NCKAP1L: variants seen among roughly 807,000 people sequenced by gnomAD.
NCKAP1L encodes the protein NCK associated protein 1 like.
Under a neutral mutation model 139.2 loss-of-function variants are expected in NCKAP1L, and 53 were observed. The ratio of observed to expected loss-of-function variants is 0.38; its 90% confidence interval spans 0.31 to 0.48. The LOEUF (loss-of-function observed/expected upper bound fraction) is 0.48, where lower values mean the gene tolerates loss of function less well. Ranked by LOEUF, NCKAP1L falls within the 20% of genes least tolerant of loss-of-function variation. The pLI is 0.98. For missense variants in NCKAP1L, 1,151 were observed against 1,381.9 expected, an observed-to-expected ratio of 0.83 and a Z score of 2.65; for synonymous variants, 468 against 499.7, an observed-to-expected ratio of 0.94 and a Z score of 0.85.
chr12:54,521,225 A>G lies in NCKAP1L; in HGVS notation c.1865A>G (p.Asn622Ser). 6 of 1,613,950 alleles carry G rather than the reference A, an allele frequency of 3.7e-6. 1 individual carries two copies. Among genetic ancestry groups the G allele is most frequent in the Non-Finnish European group, 5.1e-6 (6 of 1,179,956 alleles). Residue 622 changes from asparagine (N) to serine (S), a missense_variant, in exon 18 of 31, where the codon AAC becomes AGC. Coordinates refer to ENST00000293373, the MANE Select transcript of NCKAP1L (RefSeq NM_005337.5). ...CVLEICAEQR[N>S]LSEQLLPKHC... ...CTGGAGATCTGTGCTGAGCAGCGAA[A>G]CCTGAGCGAGCAGGTAGACTCAGCC...
intron 27 of NCKAP1L, 66 bp from the exon 28 acceptor site, chr12:54,536,063 G>A: frequency 8.7e-7 from 1 of 1,149,918 alleles, no homozygotes; most frequent in Non-Finnish European, 1.3e-6. Context: ...TAGGACCCCT[G>A]TAACAGATAA....
At chr12:54,542,433 G>A in intron 30 of NCKAP1L, 142 bp from the exon 31 acceptor site, 1 of 664,036 alleles carries the variant, frequency 1.5e-6, no homozygotes, top group South Asian at 1.8e-5. Flanking sequence ...ACCAAGTGAG[G>A]GAAGAGGGGG....
At chr12:54,535,076 C>T (rs1957103824) in intron 26 of NCKAP1L, 28 bp from the exon 27 acceptor site, 2 of 1,595,092 alleles carry the variant, frequency 1.3e-6, no homozygotes, top group South Asian at 1.1e-5. Context: ...TGCGAATCCT[C>T]TCTAGAATGT....
intron 30 of NCKAP1L, among the ~76,000 whole-genome samples, chr12:54,540,565 T>C (rs184546943): frequency 6.6e-6 from 1 of 152,346 alleles, no homozygotes; most frequent in East Asian, 1.9e-4. Flanking sequence ...TAATAATCCT[T>C]ATGATAGAGT....
intron 30 of NCKAP1L, among the ~76,000 whole-genome samples, chr12:54,539,740 G>A (rs1012151345): frequency 6.6e-6 from 1 of 152,108 alleles, no homozygotes; most frequent in Non-Finnish European, 1.5e-5. Flanking sequence ...GTGTTCTGGG[G>A]CCCTCCTCTG....
In NCKAP1L at chr12:54,517,602, A is replaced by C; in HGVS notation, c.1165A>C (p.Asn389His). ...CACCTGGCTGGTTCGCCACACAGAG[A>C]ATGTCACCAAGACAAAGACACCTGA... ...EVTWLVRHTE[N>H]VTKTKTPEDY... Residue 389 changes from asparagine to histidine, a missense_variant, in exon 12 of 31, where the codon AAT becomes CAT. Transcript: ENST00000293373. The C allele has an allele frequency of 6.2e-6, 10 of 1,613,996 alleles. No individual in the cohort carries two copies. Among genetic ancestry groups the C allele is most frequent in the African/African-American group, 1.3e-5 (1 of 74,982 alleles).
chr12:54,505,354 C>T (rs565990204), intron 3 of NCKAP1L, among the ~76,000 whole-genome samples: 6 of 151,830 alleles, frequency 4.0e-5, no homozygotes, highest in Admixed American at 1.3e-4. Context: ...TTTTCCTACA[C>T]ATTTTAATAA....
chr12:54,532,395 A>C (rs1017530111), intron 26 of NCKAP1L, 145 bp downstream of exon 26: 3 of 500,582 alleles, frequency 6.0e-6, no homozygotes, highest in Non-Finnish European at 1.0e-5. Flanking sequence ...GGTCAGATGA[A>C]TATTCTTGGA....
chr12:54,543,775 C>G lies in NCKAP1L; in HGVS notation c.*1090C>G, dbSNP rs997727551. The G allele has an allele frequency of 6.6e-6, 1 of 152,218 alleles. No homozygotes were observed. The highest frequency in any genetic ancestry group is 2.4e-5 in the African/African-American group (1 of 41,454). The allele number at this position is 152,218 out of a possible 1,614,324, so 9.4% of individuals were successfully genotyped here. A position where few individuals can be genotyped will look rare whatever the true frequency, so the allele number is the denominator to read the frequency against. The stretch of plus-strand genomic sequence containing the variant: ...GCACTAAACTAGGTTTACTTAACTC[C>G]TTGGCAGGAAATAGTGGCCCCCATG... On this transcript the variant is annotated 3_prime_UTR_variant, in exon 31 of 31. Transcript: ENST00000293373.
chr12:54,522,019 T>C (rs1467755650), intron 18 of NCKAP1L, among the ~76,000 whole-genome samples: 2 of 152,168 alleles, frequency 1.3e-5, no homozygotes, highest in Non-Finnish European at 2.9e-5. Context: ...GTCTTAAGGA[T>C]TAAATAGGGT....
At chr12:54,503,643 C>CTT (rs1268109550) in intron 3 of NCKAP1L, among the ~76,000 whole-genome samples, 6 of 140,196 alleles carry the variant, frequency 4.3e-5, no homozygotes, top group Non-Finnish European at 6.2e-5. Context: ...TTTTTCTTTT[C>CTT]TTTTTTTTTT....
At chr12:54,540,991 G>A (rs1470800629) in intron 30 of NCKAP1L, among the ~76,000 whole-genome samples, 1 of 152,222 alleles carries the variant, frequency 6.6e-6, no homozygotes, top group Non-Finnish European at 1.5e-5. Context: ...TGAGTTAAGA[G>A]GCTACTCATG....
In NCKAP1L at chr12:54,531,557, A is replaced by G; in HGVS notation, c.2671A>G (p.Met891Val). ...ATCCAACTTTAGCAAGCCGGACTTGATGGCTTCCCTGCTGCCCCAGCTGAC... is the reference window on the plus strand; with the variant it reads ...ATCCAACTTTAGCAAGCCGGACTTGGTGGCTTCCCTGCTGCCCCAGCTGAC... ...IRSNFSKPDL[M>V]ASLLPQLTGA... The change falls in exon 24 of 31, where the codon ATG becomes GTG. Residue 891 changes from methionine to valine, a missense_variant. Met to Val is a conservative substitution (Grantham distance 21). Transcript: ENST00000293373. 1 of 1,614,198 alleles carries G rather than the reference A, an allele frequency of 6.2e-7. No homozygotes were observed. The highest frequency in any genetic ancestry group is 8.5e-7 in the Non-Finnish European group (1 of 1,180,028).
At chr12:54,512,318 C>T (rs1178427461) in intron 9 of NCKAP1L, 3 of 427,908 alleles carry the variant, frequency 7.0e-6, no homozygotes, top group Non-Finnish European at 1.2e-5. Flanking sequence ...GTTAAGAGCA[C>T]AGACTCTGAA....
At chr12:54,528,882 G>A (rs902108512) in intron 22 of NCKAP1L, among the ~76,000 whole-genome samples, 3 of 152,054 alleles carry the variant, frequency 2.0e-5, no homozygotes, top group East Asian at 1.9e-4. Context: ...TGATCTGCCC[G>A]CCTCAGCCTT....
intron 3 of NCKAP1L, among the ~76,000 whole-genome samples, chr12:54,505,296 T>C (rs1460961209): frequency 6.6e-6 from 1 of 152,236 alleles, no homozygotes; most frequent in East Asian, 1.9e-4. Context: ...GGTTTCCTTA[T>C]CTGTTAATTT....
At chr12:54,518,846 C>G in intron 14 of NCKAP1L, 68 bp from the exon 15 acceptor site, 1 of 1,505,526 alleles carries the variant, frequency 6.6e-7, no homozygotes, top group African/African-American at 1.4e-5. Flanking sequence ...AGAGGATCTA[C>G]CATTCTATGT....
chr12:54,541,692 G>A (rs534301272), intron 30 of NCKAP1L, among the ~76,000 whole-genome samples: 1 of 152,282 alleles, frequency 6.6e-6, no homozygotes, highest in South Asian at 2.1e-4. Flanking sequence ...AGTAGATATG[G>A]TAGATTCTCT....
At position 54,499,424 on chromosome 12, in the gene NCKAP1L, A is replaced by G. The variant is rs148094880; in HGVS notation, c.172A>G (p.Ile58Val). Residue 58 changes from isoleucine to valine, a missense_variant, in exon 2 of 31, where the codon ATC (isoleucine) becomes GTC (valine). By Grantham distance (29) the Ile-to-Val change is conservative. Coordinates refer to ENST00000293373, the MANE Select transcript of NCKAP1L (RefSeq NM_005337.5). ...EKSMEPSLKY[I>V]NKKFPNIDVR... ...GTCCATGGAACCATCTCTCAAGTAT[A>G]TCAACAAGAAATTTCCCAACATAGA... 1.9e-4 allele frequency: 307 copies of G among 1,611,718 alleles called. No homozygotes were observed. The African/African-American group carries it at 3.7e-3, about 19-fold the overall frequency.
Sources: allele counts gnomAD v4.1 joint callset (sites outside exome capture counted in the v4.1 genomes callset), GRCh38; gene constraint gnomAD v4.1.1; transcripts MANE v1.5; gene names NCBI Gene and HGNC (gene_info 2026-07-23, HGNC 2026-07-21).